Variants in HIGD1C observed in about 807,000 individuals in gnomAD.
HIGD1C encodes HIG1 hypoxia inducible domain family member 1C.
A neutral mutation model predicts 13.1 loss-of-function variants in HIGD1C; 11 were observed. The ratio of observed to expected loss-of-function variants is 0.84; its 90% CI spans 0.53 to 1.39. The LOEUF (loss-of-function observed/expected upper bound fraction) is 1.39, where lower values mean the gene tolerates loss of function less well. HIGD1C is among the 40% of genes most tolerant of loss of function. The probability of loss-of-function intolerance (pLI) is 0.00; values close to 1 mark genes in which losing one functional copy is unlikely to be tolerated. For synonymous variants in HIGD1C, 36 were observed against 37.7 expected, an observed-to-expected ratio of 0.95 and a Z score of 0.17; for missense variants, 110 against 112.0, an observed-to-expected ratio of 0.98 and a Z score of 0.08.
At chr12:50,956,545 A>G (rs1939104441) in intron 1 of HIGD1C, among the ~76,000 whole-genome samples, 1 of 152,218 alleles carries the variant, frequency 6.6e-6, no homozygotes, top group Non-Finnish European at 1.5e-5. Context: ...AACTTCCATC[A>G]TTATAAATAT....
At chr12:50,952,485 T>C (rs1296036210), upstream of HIGD1C, among the ~76,000 whole-genome samples, 1 of 152,082 alleles carries the variant, frequency 6.6e-6, no homozygotes, top group African/African-American at 2.4e-5. Flanking sequence ...CAAGGTGTTC[T>C]CCAAGGTCTC....
At chr12:50,970,492 G>A in exon 3 of HIGD1C, 1 of 1,532,238 alleles carries the variant, frequency 6.5e-7, no homozygotes, top group Non-Finnish European at 8.8e-7. Context: ...ATTCTTCAGT[G>A]AGTCCAAAAA....
chr12:50,938,190 A>C, the HIGD1C span, among the ~76,000 whole-genome samples: 5 of 150,164 alleles, frequency 3.3e-5, no homozygotes, highest in Admixed American at 6.6e-5. Context: ...TTCCCTCTGC[A>C]CCCCTCCACC....
At chr12:50,965,857 G>A (rs1410451103) in intron 2 of HIGD1C, among the ~76,000 whole-genome samples, 2 of 152,174 alleles carry the variant, frequency 1.3e-5, no homozygotes, top group East Asian at 1.9e-4. Context: ...TTTCCTTAAG[G>A]GGATCTGGCT....
At chr12:50,953,415 T>C (rs1054397539), upstream of HIGD1C, among the ~76,000 whole-genome samples, 1 of 152,236 alleles carries the variant, frequency 6.6e-6, no homozygotes, top group African/African-American at 2.4e-5. Context: ...TGCAAGTTTC[T>C]TCATTCATCC....
intron 1 of HIGD1C, among the ~76,000 whole-genome samples, chr12:50,958,972 G>T (rs1005802889): frequency 6.6e-6 from 1 of 151,656 alleles, no homozygotes; most frequent in African/African-American, 2.4e-5. Flanking sequence ...AGCTGAGATT[G>T]TACCACTTCA....
chr12:50,969,683 C>T, intron 2 of HIGD1C, among the ~76,000 whole-genome samples: 1 of 139,826 alleles, frequency 7.2e-6, no homozygotes, highest in Non-Finnish European at 1.5e-5. Context: ...GCCTGGGTGA[C>T]AAGAGCAAGA....
intron 1 of HIGD1C, among the ~76,000 whole-genome samples, chr12:50,960,130 T>C (rs946829041): frequency 2.0e-5 from 3 of 152,218 alleles, no homozygotes; most frequent in African/African-American, 7.2e-5. Flanking sequence ...TACAGAAATA[T>C]TTGTATAGGC....
chr12:50,951,615 T>C (rs559716678), upstream of HIGD1C, among the ~76,000 whole-genome samples: 2 of 152,080 alleles, frequency 1.3e-5, no homozygotes, highest in East Asian at 3.9e-4. Context: ...TCCTACAAAA[T>C]AACTGGCAAA....
chr12:50,970,629 A>C (rs1939728780), downstream of HIGD1C: 2 of 629,936 alleles, frequency 3.2e-6, no homozygotes, highest in African/African-American at 3.7e-5. Flanking sequence ...TAGCCTTTGT[A>C]TTTCAAGTCT....
chr12:50,943,507 G>C, the HIGD1C span, among the ~76,000 whole-genome samples: 73 of 152,098 alleles, frequency 4.8e-4, 1 homozygote, highest in East Asian at 0.014. Flanking sequence ...TCAGGAGATC[G>C]AGACCATCCT....
At chr12:50,949,526 CTTTTTTTTTTTTTT>C (rs1044816262), upstream of HIGD1C, 5 of 68,700 alleles carry the variant, frequency 7.3e-5, no homozygotes, top group Non-Finnish European at 1.3e-4. Context: ...TTGAATGCTT[CTTTTTTTTTTTTTT>C]TTTTTTTTTT....
At chr12:50,960,254 A>T (rs1939275122) in intron 1 of HIGD1C, among the ~76,000 whole-genome samples, 1 of 152,126 alleles carries the variant, frequency 6.6e-6, no homozygotes, top group East Asian at 1.9e-4. Flanking sequence ...AGAAGCACAA[A>T]TTTTTTCTCA....
downstream of HIGD1C, among the ~76,000 whole-genome samples, chr12:50,971,026 C>A (rs1253835254): frequency 6.6e-6 from 1 of 151,968 alleles, no homozygotes; most frequent in Non-Finnish European, 1.5e-5. Context: ...TTACAAGCAC[C>A]CACCACCACC....
the HIGD1C span, among the ~76,000 whole-genome samples, chr12:50,936,889 G>A: frequency 6.6e-6 from 1 of 152,086 alleles, no homozygotes; most frequent in Non-Finnish European, 1.5e-5. Context: ...TACTACCTAT[G>A]ATTATTTCTG....
upstream of HIGD1C, among the ~76,000 whole-genome samples, chr12:50,949,797 G>T (rs184435216): frequency 6.6e-6 from 1 of 152,190 alleles, no homozygotes; most frequent in Admixed American, 6.5e-5. Flanking sequence ...GCCTCCCAAA[G>T]TGCTGGGATT....
chr12:50,969,145 T>C (rs1449132389), intron 2 of HIGD1C, among the ~76,000 whole-genome samples: 4 of 148,154 alleles, frequency 2.7e-5, no homozygotes, highest in Non-Finnish European at 6.0e-5. Flanking sequence ...AAATACAAAA[T>C]TAGCTGGGTG....
At chr12:50,941,989 A>C in the HIGD1C span, among the ~76,000 whole-genome samples, 1 of 152,126 alleles carries the variant, frequency 6.6e-6, no homozygotes, top group East Asian at 1.9e-4. Flanking sequence ...TCCAGGCTCA[A>C]GGGATGCTCC....
At chr12:50,959,703 A>G (rs928497598) in intron 1 of HIGD1C, among the ~76,000 whole-genome samples, 1 of 152,188 alleles carries the variant, frequency 6.6e-6, no homozygotes, top group African/African-American at 2.4e-5. Context: ...GCTGGAGTGC[A>G]GTAGCATTAT....
Sources: gnomAD v4.1 joint callset for allele counts (sites outside exome capture counted in the v4.1 genomes callset) on GRCh38, gnomAD v4.1.1 for gene constraint, MANE v1.5 for transcripts, NCBI Gene and HGNC (gene_info 2026-07-23, HGNC 2026-07-21) for gene names.